Variants in UGT1A5 observed in about 807,000 individuals in gnomAD.
The protein encoded by UGT1A5 is UDP glucuronosyltransferase family 1 member A5.
A neutral mutation model predicts 40.3 loss-of-function variants in UGT1A5; 29 were observed. That is an observed-to-expected ratio of 0.72 (90% CI 0.54 to 0.98). The LOEUF (loss-of-function observed/expected upper bound fraction) is 0.98. Among genes scored for constraint, UGT1A5 ranks in the 50% least tolerant of loss-of-function variants. UGT1A5 has a pLI of 0.00. For synonymous variants in UGT1A5, 257 were observed against 262.5 expected (o/e 0.98, Z 0.20); for missense variants, 678 against 677.9 (o/e 1.00, Z 0.00).
chr2:233,748,539 G>A (rs1278710171), intron 1 of UGT1A5, among the ~76,000 whole-genome samples: 3 of 151,838 alleles, frequency 2.0e-5, no homozygotes, highest in Non-Finnish European at 2.9e-5. Context: ...GGTGACCACA[G>A]GAGACCTAAG....
chr2:233,745,894 T>A (rs1160883177), intron 1 of UGT1A5, among the ~76,000 whole-genome samples: 2 of 150,898 alleles, frequency 1.3e-5, no homozygotes, highest in Non-Finnish European at 1.5e-5. Context: ...TGGGGTGGCG[T>A]TTTTCAGGGA....
chr2:233,719,660 C>G, intron 1 of UGT1A5: 1 of 1,614,116 alleles, frequency 6.2e-7, no homozygotes, highest in Non-Finnish European at 8.5e-7. Flanking sequence ...GGGGCATCAA[C>G]TGTGCCAACG....
chr2:233,727,510 G>A (rs1189084466), intron 1 of UGT1A5, among the ~76,000 whole-genome samples: 2 of 152,170 alleles, frequency 1.3e-5, no homozygotes, highest in Admixed American at 1.3e-4. Flanking sequence ...GCCCATGAAT[G>A]TGGGAAGAGC....
intron 1 of UGT1A5, among the ~76,000 whole-genome samples, chr2:233,735,199 T>C (rs2078621377): frequency 6.6e-6 from 1 of 152,232 alleles, no homozygotes; most frequent in Non-Finnish European, 1.5e-5. Flanking sequence ...TAGGTGCTCC[T>C]GTATTGGGTG....
chr2:233,747,336 G>C, intron 1 of UGT1A5: 1 of 1,603,642 alleles, frequency 6.2e-7, no homozygotes, highest in South Asian at 1.1e-5. Context: ...GCAGCCACTG[G>C]CTCGCATGCG....
At chr2:233,730,691 A>C (rs2078062860) in intron 1 of UGT1A5, among the ~76,000 whole-genome samples, 1 of 152,096 alleles carries the variant, frequency 6.6e-6, no homozygotes, top group Admixed American at 6.5e-5. Flanking sequence ...ATCTCAAATG[A>C]TTCTTCTACT....
intron 1 of UGT1A5, among the ~76,000 whole-genome samples, chr2:233,762,877 CTT>C (rs1394473755): frequency 6.6e-6 from 1 of 152,136 alleles, no homozygotes; most frequent in East Asian, 1.9e-4. Flanking sequence ...GGTTTCTTCT[CTT>C]ATAAATTCCA....
chr2:233,721,483 T>C (rs977271860), intron 1 of UGT1A5: 7 of 174,698 alleles, frequency 4.0e-5, no homozygotes, highest in African/African-American at 1.7e-4. Context: ...ATCATTCTTA[T>C]TATTTTAGTT....
chr2:233,760,063 T>C (rs1697313793), intron 1 of UGT1A5, among the ~76,000 whole-genome samples: 1 of 152,194 alleles, frequency 6.6e-6, no homozygotes, highest in African/African-American at 2.4e-5. Flanking sequence ...GAATGTGATT[T>C]GAGTATGAAA....
At chr2:233,743,880 G>GC (rs1692566071) in intron 1 of UGT1A5, 1 of 1,365,832 alleles carries the variant, frequency 7.3e-7, no homozygotes, top group Non-Finnish European at 9.8e-7. Context: ...GATGAGGCCT[G>GC]CCGGGGCACG....
Position 233,724,644 on chromosome 2 carries a change from G to T in UGT1A5, c.867+10786G>T, listed in dbSNP as rs1189293479. Among the ~76,000 whole-genome samples, 3 of 141,266 alleles carry T rather than the reference G, an allele frequency of 2.1e-5. 1 individual carries two copies. Among genetic ancestry groups the T allele is most frequent in the Admixed American group, 2.1e-4 (3 of 14,230 alleles). The allele number at this position is 141,266 out of a possible 152,430, so 92.7% of individuals were successfully genotyped here. A position where few individuals can be genotyped will look rare whatever the true frequency, so the allele number is the denominator to read the frequency against. ...CTCCTCACTTCCTAGATGTGATGGC[G>T]GCTGGGAAGAGGCGCTCCTCACTTC... On this transcript the variant is annotated intron_variant, in intron 1 of 4. Coordinates refer to ENST00000373414, the MANE Select transcript of UGT1A5 (RefSeq NM_019078.2).
chr2:233,725,813 T>C (rs566804678), intron 1 of UGT1A5, among the ~76,000 whole-genome samples: 29 of 152,324 alleles, frequency 1.9e-4, no homozygotes, highest in African/African-American at 7.0e-4. Context: ...ATCCATTTTA[T>C]TGGATACCAG....
intron 1 of UGT1A5, chr2:233,760,208 A>C: frequency 6.3e-7 from 1 of 1,589,248 alleles, no homozygotes; most frequent in African/African-American, 1.4e-5. Context: ...TCAAACATTA[A>C]CTTGGTGTAT....
At position 233,713,112 on chromosome 2, in the gene UGT1A5, T is replaced by A; in HGVS notation, c.121T>A (p.Trp41Arg). Residue 41 changes from tryptophan (W) to arginine (R), a missense_variant, in exon 1 of 5, where the codon TGG becomes AGG. Physicochemically the swap from Trp to Arg is moderately radical, Grantham distance 101. Coordinates refer to ENST00000373414, the MANE Select transcript of UGT1A5 (RefSeq NM_019078.2). ...VLVVPTDGSH[W>R]LSMREALRDL... ...GGTGGTGCCCACTGATGGCAGCCAC[T>A]GGCTCAGCATGCGGGAGGCCTTGCG... 1.9e-6 allele frequency: 3 copies of A among 1,614,212 alleles called. No individual in the cohort carries two copies. Among genetic ancestry groups the A allele is most frequent in the Non-Finnish European group, 2.5e-6 (3 of 1,180,024 alleles).
In UGT1A5 at chr2:233,736,924, C is replaced by T. The variant is rs544385943; in HGVS notation, c.867+23066C>T. The stretch of plus-strand genomic sequence containing the variant: ...TCCTCTGGAAGCTTCATACCAGAGG[C>T]GCACCCACCTATATGAGGTGTCTGT... On this transcript the variant is annotated intron_variant, in intron 1 of 4. Coordinates refer to ENST00000373414, the MANE Select transcript of UGT1A5 (RefSeq NM_019078.2). Among the ~76,000 whole-genome samples the T allele has an allele frequency of 2.3e-4, 35 of 152,234 alleles. No homozygotes were observed. The South Asian group carries it at 6.0e-3, about 26-fold the overall frequency.
chr2:233,743,824 G>T, intron 1 of UGT1A5: 1 of 1,367,262 alleles, frequency 7.3e-7, no homozygotes, highest in Non-Finnish European at 9.8e-7. Flanking sequence ...TTTTGTCGGG[G>T]TGCCACTTGA....
At chr2:233,766,983 C>T (rs1040066735) in intron 1 of UGT1A5, 51 bp from the exon 2 acceptor site, 20 of 1,612,672 alleles carry the variant, frequency 1.2e-5, no homozygotes, top group Non-Finnish European at 1.7e-5. Flanking sequence ...TGTATGTAGT[C>T]ATCAAAGAAT....
intron 4 of UGT1A5, 91 bp downstream of exon 4, chr2:233,768,530 CGTT>C (rs2126039098): frequency 2.0e-6 from 3 of 1,496,416 alleles, no homozygotes; most frequent in African/African-American, 1.4e-5. Flanking sequence ...CATTTAATAG[CGTT>C]GTTTCAAATA....
At chr2:233,726,402 T>C (rs1404707610) in intron 1 of UGT1A5, among the ~76,000 whole-genome samples, 7 of 152,206 alleles carry the variant, frequency 4.6e-5, no homozygotes, top group Non-Finnish European at 1.0e-4. Context: ...AGTCTTTTGA[T>C]GTCAGCATTC....
Sources: gnomAD v4.1 joint callset for allele counts (sites outside exome capture counted in the v4.1 genomes callset) on GRCh38, gnomAD v4.1.1 for gene constraint, MANE v1.5 for transcripts, NCBI Gene and HGNC (gene_info 2026-07-23, HGNC 2026-07-21) for gene names.